The following CACNA2D4 variants were observed in gnomAD, a reference collection of about 807,000 sequenced individuals.
CACNA2D4 encodes the protein calcium voltage-gated channel auxiliary subunit alpha2delta 4.
In CACNA2D4, 157 loss-of-function variants were observed where a neutral mutation model predicts 163.8. That is an observed-to-expected ratio of 0.96 (90% confidence interval 0.84 to 1.09). The LOEUF is 1.09. Among genes scored for constraint, CACNA2D4 ranks in the 50% least tolerant of loss-of-function variants. The pLI is 0.00. For synonymous variants in CACNA2D4, 598 were observed against 586.9 expected (o/e 1.02, Z -0.27); for missense variants, 1,410 against 1,479.9 (o/e 0.95, Z 0.78).
chr12:1,828,453 A>G lies in CACNA2D4; in HGVS notation c.2551+12286T>C, dbSNP rs1321463219. The stretch of plus-strand genomic sequence containing the variant: ...GTGGTTAGACCTGGAGCTGGAGGCC[A>G]CGACAGTTGTTCTACCTCCCCCAGG... On this transcript the variant is annotated intron_variant, in intron 26 of 37. Transcript: ENST00000382722. The surrounding 1 kb of genome is among the most constrained non-coding windows in gnomAD (Gnocchi z 4.2). 6.6e-6 allele frequency among the ~76,000 whole-genome samples: 1 copy of G among 152,222 alleles called. No individual in the cohort carries two copies. The highest frequency in any genetic ancestry group is 1.5e-5 in the Non-Finnish European group (1 of 68,030).
At chr12:1,851,800 T>C (rs1231288633) in intron 23 of CACNA2D4, among the ~76,000 whole-genome samples, 2 of 152,016 alleles carry the variant, frequency 1.3e-5, no homozygotes, top group African/African-American at 4.8e-5. Context: ...GGGTTAACAT[T>C]AACTTAGGGA....
In CACNA2D4 at chr12:1,839,685, C is replaced by T. The variant is rs745769008; in HGVS notation, c.2551+1054G>A. 4.6e-5 allele frequency among the ~76,000 whole-genome samples: 7 copies of T among 152,198 alleles called. No homozygotes were observed. In the East Asian group the frequency reaches 9.6e-4, roughly 21 times the overall value. Reference sequence around the variant, plus strand: ...GAGGCAGTCCACAGTGCCCGGCACACGCTGAACACACACACTGAGCTCATG... The same window carrying T: ...GAGGCAGTCCACAGTGCCCGGCACATGCTGAACACACACACTGAGCTCATG... On this transcript the variant is annotated intron_variant, in intron 26 of 37. Transcript: ENST00000382722.
chr12:1,851,106 C>G (rs1422400270), intron 23 of CACNA2D4, among the ~76,000 whole-genome samples: 1 of 152,014 alleles, frequency 6.6e-6, no homozygotes. Context: ...TGGTCTTGAA[C>G]TTTCAGGCTA....
Position 1,883,173 on chromosome 12 carries a change from C to A in CACNA2D4, c.1352-173G>T, listed in dbSNP as rs929206184. ...GTTGTGTCCTTTACCCAGGGGCAGC[C>A]GCAGGCCAGTGGGAGGCCAAGGCTC... On this transcript the variant is annotated intron_variant, in intron 12 of 37. Coordinates refer to ENST00000382722, the MANE Select transcript of CACNA2D4 (RefSeq NM_172364.5). The surrounding 1 kb of genome is among the most constrained non-coding windows in gnomAD (Gnocchi z 4.5). 6.6e-6 allele frequency among the ~76,000 whole-genome samples: 1 copy of A among 152,188 alleles called. No individual in the cohort carries two copies. Among genetic ancestry groups the A allele is most frequent in the Non-Finnish European group, 1.5e-5 (1 of 68,028 alleles).
At chr12:1,870,033 T>C (rs2154449026) in intron 18 of CACNA2D4, among the ~76,000 whole-genome samples, 1 of 152,310 alleles carries the variant, frequency 6.6e-6, no homozygotes, top group East Asian at 1.9e-4. Context: ...ACATTTTGTT[T>C]GGGTGGGTCT....
intron 6 of CACNA2D4, among the ~76,000 whole-genome samples, chr12:1,895,386 T>C (rs1323431903): frequency 1.3e-5 from 2 of 150,786 alleles, no homozygotes; most frequent in Non-Finnish European, 2.9e-5. Context: ...AAAATTCATA[T>C]GGAATGGAAA....
At chr12:1,908,683 G>T (rs1866734017) in intron 4 of CACNA2D4, among the ~76,000 whole-genome samples, 1 of 145,816 alleles carries the variant, frequency 6.9e-6, no homozygotes, top group Non-Finnish European at 1.5e-5. Context: ...CTCCCACGCC[G>T]GACTGCGTCA....
chr12:1,861,181 C>G (rs886891371), intron 18 of CACNA2D4, among the ~76,000 whole-genome samples: 3 of 152,208 alleles, frequency 2.0e-5, no homozygotes, highest in African/African-American at 7.2e-5. Context: ...AGAAGGGACA[C>G]AGAGAGAGAG....
chr12:1,851,651 T>TGTGTG (rs1865281874), intron 23 of CACNA2D4, among the ~76,000 whole-genome samples: 2 of 118,580 alleles, frequency 1.7e-5, no homozygotes, highest in South Asian at 3.1e-4. Flanking sequence ...TGGTGTGTGT[T>TGTGTG]TGTGTGTGTG....
chr12:1,815,067 T>C (rs1387489209), intron 26 of CACNA2D4, among the ~76,000 whole-genome samples: 1 of 152,202 alleles, frequency 6.6e-6, no homozygotes, highest in African/African-American at 2.4e-5. Context: ...AATTTTTGTA[T>C]TTCTAGTAGA....
chr12:1,804,751 C>T (rs975289291), intron 29 of CACNA2D4, among the ~76,000 whole-genome samples: 3 of 152,282 alleles, frequency 2.0e-5, no homozygotes, highest in African/African-American at 7.2e-5. Context: ...CCCATCCTCG[C>T]TCTTGCGCTC....
intron 29 of CACNA2D4, among the ~76,000 whole-genome samples, chr12:1,807,985 T>C (rs1207982636): frequency 6.6e-6 from 1 of 152,176 alleles, no homozygotes; most frequent in African/African-American, 2.4e-5. Context: ...ATGAGTTAAG[T>C]CAACAAATAC....
Position 1,802,138 on chromosome 12 carries a change from T to G in CACNA2D4, c.2722-494A>C, listed in dbSNP as rs1863360499. Among the ~76,000 whole-genome samples, 1 of 151,862 alleles carries G rather than the reference T, an allele frequency of 6.6e-6. No homozygotes were observed. Among genetic ancestry groups the G allele is most frequent in the African/African-American group, 2.4e-5 (1 of 41,344 alleles). On this transcript the variant is annotated intron_variant, in intron 29 of 37. Coordinates refer to ENST00000382722, the MANE Select transcript of CACNA2D4 (RefSeq NM_172364.5). The surrounding 1 kb of genome is among the most constrained non-coding windows in gnomAD (Gnocchi z 4.7). ...TCTCATGCACGCTGGTGTCCTCATC[T>G]TCCCAGTGTGAGAGGGCTGCTGTGG...
intron 23 of CACNA2D4, among the ~76,000 whole-genome samples, chr12:1,851,677 G>GTGTGTGTGTA (rs1865284789): frequency 2.1e-5 from 1 of 46,774 alleles, no homozygotes; most frequent in South Asian, 1.3e-3. Flanking sequence ...GTGTGTGTGT[G>GTGTGTGTGTA]CGTTTTTTTT....
Position 1,879,007 on chromosome 12 carries a change from C to G in CACNA2D4, c.1593G>C (p.Val531=), listed in dbSNP as rs758312530. The part of the protein sequence containing the change: ...TRSHGILLGV[V]GSDVALRELM... ...GCTCTCTCAGGGCCACATCTGAGCC[C>G]ACCACACCCAGGAGAATGCCATGGG... The change falls in exon 15 of 38, where the codon GTG becomes GTC. Residue 531 remains valine, a synonymous_variant. Transcript: ENST00000382722. 6 of 1,613,894 alleles carry G rather than the reference C, an allele frequency of 3.7e-6. No individual in the cohort carries two copies. The East Asian group carries it at 6.7e-5, about 18-fold the overall frequency.
chr12:1,918,408 G>A lies in CACNA2D4; in HGVS notation c.66C>T (p.Pro22=), dbSNP rs780745086. The part of the protein sequence containing the change: ...PNPRPTMPAT[P]NFLANPSSSS... The stretch of plus-strand genomic sequence containing the variant: ...TGGAGCTGGGGTTTGCGAGGAAGTT[G>A]GGAGTTGCAGGCATGGTGGGCCTGG... Residue 22 remains proline, a synonymous_variant, in exon 1 of 38, where the codon CCC becomes CCT. Transcript: ENST00000382722. 4.4e-6 allele frequency: 7 copies of A among 1,597,428 alleles called. No individual in the cohort carries two copies. Among genetic ancestry groups the A allele is most frequent in the Non-Finnish European group, 6.0e-6 (7 of 1,172,506 alleles).
At chr12:1,863,690 G>A (rs1865574009) in intron 18 of CACNA2D4, among the ~76,000 whole-genome samples, 1 of 152,006 alleles carries the variant, frequency 6.6e-6, no homozygotes, top group South Asian at 2.1e-4. Context: ...ATTGTCATTG[G>A]AACTTTAAAA....
At chr12:1,913,202 G>T in intron 2 of CACNA2D4, 63 bp from the exon 3 acceptor site, 1 of 1,131,770 alleles carries the variant, frequency 8.8e-7, no homozygotes, top group Non-Finnish European at 1.3e-6. Flanking sequence ...TTGCACCTGT[G>T]TATGCATGGC....
intron 23 of CACNA2D4, among the ~76,000 whole-genome samples, chr12:1,848,700 T>A (rs1865207774): frequency 6.6e-6 from 1 of 151,840 alleles, no homozygotes; most frequent in Non-Finnish European, 1.5e-5. Flanking sequence ...CCAATGAGGT[T>A]TTTTCCAGTA....
Sources: allele counts gnomAD v4.1 joint callset (sites outside exome capture counted in the v4.1 genomes callset), GRCh38; gene constraint gnomAD v4.1.1; non-coding constraint Gnocchi (gnomAD v3.1); transcripts MANE v1.5; gene names NCBI Gene and HGNC (gene_info 2026-07-23, HGNC 2026-07-21).